The following STXBP5L variants were observed in gnomAD, a reference collection of about 807,000 sequenced individuals.
STXBP5L encodes syntaxin binding protein 5L.
Under a neutral mutation model 144.5 loss-of-function variants are expected in STXBP5L, and 65 were observed. That is an observed-to-expected ratio of 0.45 (90% CI 0.37 to 0.55). The LOEUF (loss-of-function observed/expected upper bound fraction) is 0.55, where lower values mean the gene tolerates loss of function less well. STXBP5L is among the 20% of genes least tolerant of loss of function. The probability of loss-of-function intolerance (pLI) is 0.00; values close to 1 mark genes in which losing one functional copy is unlikely to be tolerated. For missense variants in STXBP5L, 1,298 were observed against 1,405.5 expected (o/e 0.92, Z 1.22); for synonymous variants, 505 against 469.6 (o/e 1.08, Z -0.97).
chr3:121,298,691 G>A (rs914616557), intron 19 of STXBP5L, among the ~76,000 whole-genome samples: 3 of 152,108 alleles, frequency 2.0e-5, no homozygotes, highest in African/African-American at 7.2e-5. Context: ...CACTTATATG[G>A]TGTATATCTA....
rs572602575 is a variant in STXBP5L, at chr3:121,422,356, C to G, written c.*3259C>G. ...AAGATAAGGCTTGCAAACCACAGTCCCAACAAGTTGACCTTGTCTCCCTAT... is the reference window on the plus strand; with the variant it reads ...AAGATAAGGCTTGCAAACCACAGTCGCAACAAGTTGACCTTGTCTCCCTAT... On this transcript the variant is annotated 3_prime_UTR_variant, in exon 27 of 27. Transcript: ENST00000471454. 2.0e-5 allele frequency: 3 copies of G among 152,226 alleles called. No individual in the cohort carries two copies. In the South Asian group the frequency reaches 6.2e-4, roughly 32 times the overall value. 9.4% of individuals were successfully genotyped at this position (152,226 alleles called of 1,614,324 possible).
intron 2 of STXBP5L, among the ~76,000 whole-genome samples, chr3:120,922,782 G>A (rs555025493): frequency 6.6e-6 from 1 of 151,694 alleles, no homozygotes; most frequent in Non-Finnish European, 1.5e-5. Flanking sequence ...CATTTGTGGA[G>A]GATTGTCACA....
intron 3 of STXBP5L, among the ~76,000 whole-genome samples, chr3:120,955,447 C>T (rs972480486): frequency 6.6e-6 from 1 of 151,948 alleles, no homozygotes; most frequent in Non-Finnish European, 1.5e-5. Context: ...TTAATTTGAT[C>T]TTCTTTCTCT....
At chr3:121,141,260 G>T (rs2045492022) in intron 7 of STXBP5L, among the ~76,000 whole-genome samples, 1 of 152,018 alleles carries the variant, frequency 6.6e-6, no homozygotes, top group African/African-American at 2.4e-5. Context: ...AAAATTAGCT[G>T]GGGGTGGTTG....
chr3:120,971,625 G>A (rs1321682451), intron 3 of STXBP5L, among the ~76,000 whole-genome samples: 2 of 147,674 alleles, frequency 1.4e-5, no homozygotes, highest in South Asian at 4.3e-4. Flanking sequence ...GTATTCCATG[G>A]CACATGCATA....
chr3:121,043,112 T>C (rs1947273813), intron 4 of STXBP5L, among the ~76,000 whole-genome samples: 1 of 152,046 alleles, frequency 6.6e-6, no homozygotes, highest in Non-Finnish European at 1.5e-5. Context: ...AGACAAGCCT[T>C]CAACCTCCTT....
chr3:121,205,981 A>G lies in STXBP5L; in HGVS notation c.936A>G (p.Glu312=). Residue 312 remains glutamate, a synonymous_variant, in exon 10 of 27, where the codon GAA becomes GAG. Coordinates refer to ENST00000471454, the MANE Select transcript of STXBP5L (RefSeq NM_001308330.2). ...SESCKPILKV[E]YKTCKNSEPF... ...CTTGTAAACCAATTCTTAAAGTAGA[A>G]TACAAGACCTGCAAAAACAGGTATG... 1 of 1,513,958 alleles carries G rather than the reference A, an allele frequency of 6.6e-7. No homozygotes were observed. The highest frequency in any genetic ancestry group is 8.8e-7 in the Non-Finnish European group (1 of 1,136,858). 93.8% of individuals were successfully genotyped at this position (1,513,958 alleles called of 1,614,324 possible).
intron 3 of STXBP5L, among the ~76,000 whole-genome samples, chr3:120,957,474 A>G (rs901815355): frequency 1.3e-5 from 2 of 152,032 alleles, no homozygotes; most frequent in Non-Finnish European, 2.9e-5. Context: ...TTTTGCATCT[A>G]GGTTTATCGA....
intron 5 of STXBP5L, among the ~76,000 whole-genome samples, chr3:121,111,125 T>G (rs368295293): frequency 2.6e-5 from 4 of 152,216 alleles, no homozygotes; most frequent in African/African-American, 9.6e-5. Context: ...TTATTCTGGT[T>G]AACAGCTCCT....
chr3:121,174,539 C>A (rs2046856922), intron 9 of STXBP5L, among the ~76,000 whole-genome samples: 1 of 152,058 alleles, frequency 6.6e-6, no homozygotes, highest in South Asian at 2.1e-4. Flanking sequence ...GAGAAAGGTG[C>A]CAATTTGGGA....
chr3:121,046,404 C>A (rs1359425118), intron 5 of STXBP5L, among the ~76,000 whole-genome samples: 1 of 152,068 alleles, frequency 6.6e-6, no homozygotes, highest in African/African-American at 2.4e-5. Context: ...TCCTCCTCCT[C>A]AATTTTTTGG....
At chr3:121,089,469 T>A (rs974811808) in intron 5 of STXBP5L, among the ~76,000 whole-genome samples, 1 of 151,982 alleles carries the variant, frequency 6.6e-6, no homozygotes, top group Non-Finnish European at 1.5e-5. Flanking sequence ...AAATCTACTG[T>A]CATTGGAAAT....
intron 5 of STXBP5L, among the ~76,000 whole-genome samples, chr3:121,055,141 A>C (rs1311539745): frequency 6.6e-6 from 1 of 152,168 alleles, no homozygotes; most frequent in African/African-American, 2.4e-5. Flanking sequence ...GATAAATGTG[A>C]TATTTATCTC....
Position 121,262,137 on chromosome 3 carries a change from A to G in STXBP5L, c.1958+2969A>G, listed in dbSNP as rs568400386. Reference sequence around the variant, plus strand: ...ACCCAGTCACCTTCCCAAGGCCCCAACTCTTAATACCATCACCTTGAGGAT... The same window carrying G: ...ACCCAGTCACCTTCCCAAGGCCCCAGCTCTTAATACCATCACCTTGAGGAT... On this transcript the variant is annotated intron_variant, in intron 18 of 26. Coordinates refer to ENST00000471454, the MANE Select transcript of STXBP5L (RefSeq NM_001308330.2). 3.9e-5 allele frequency among the ~76,000 whole-genome samples: 6 copies of G among 152,218 alleles called. No homozygotes were observed. The East Asian group carries it at 7.7e-4, about 20-fold the overall frequency.
chr3:121,296,719 T>C (rs2051664990), intron 19 of STXBP5L, among the ~76,000 whole-genome samples: 1 of 151,998 alleles, frequency 6.6e-6, no homozygotes, highest in African/African-American at 2.4e-5. Flanking sequence ...CTGAAAGGAA[T>C]AGAAAATAGC....
chr3:121,049,418 T>A (rs1233179486), intron 5 of STXBP5L, among the ~76,000 whole-genome samples: 1 of 152,132 alleles, frequency 6.6e-6, no homozygotes, highest in Non-Finnish European at 1.5e-5. Context: ...TGGGGGCTCC[T>A]GTGTAAAACA....
intron 2 of STXBP5L, among the ~76,000 whole-genome samples, chr3:120,940,936 G>A (rs879517520): frequency 6.6e-6 from 1 of 151,672 alleles, no homozygotes; most frequent in Admixed American, 6.6e-5. Flanking sequence ...ATGAAAGGAA[G>A]TGATAGTATG....
intron 7 of STXBP5L, among the ~76,000 whole-genome samples, chr3:121,151,876 T>G (rs2045945510): frequency 6.6e-6 from 1 of 152,112 alleles, no homozygotes; most frequent in African/African-American, 2.4e-5. Flanking sequence ...GATGATCATA[T>G]TATAATCATG....
At chr3:121,297,908 T>A (rs1356608489) in intron 19 of STXBP5L, among the ~76,000 whole-genome samples, 2 of 152,248 alleles carry the variant, frequency 1.3e-5, no homozygotes, top group African/African-American at 4.8e-5. Flanking sequence ...GGTTGTTTCT[T>A]AGCTGTTAAT....
Sources: allele counts gnomAD v4.1 joint callset (sites outside exome capture counted in the v4.1 genomes callset), GRCh38; gene constraint gnomAD v4.1.1; transcripts MANE v1.5; gene names NCBI Gene and HGNC (gene_info 2026-07-23, HGNC 2026-07-21).